Variants in MZT1 observed in about 807,000 individuals in gnomAD.
MZT1 encodes mitotic-spindle organizing protein 1.
MZT1 carries 8 observed loss-of-function variants against 8.5 expected under a neutral mutation model. The ratio of observed to expected loss-of-function variants is 0.94; its 90% CI spans 0.55 to 1.70. The LOEUF (loss-of-function observed/expected upper bound fraction) is 1.70, where lower values mean the gene tolerates loss of function less well. Ranked by LOEUF, MZT1 falls within the 40% of genes most tolerant of loss-of-function variation. The probability of loss-of-function intolerance (pLI) is 0.00; values close to 1 mark genes in which losing one functional copy is unlikely to be tolerated. For synonymous variants in MZT1, 38 were observed against 42.0 expected, an observed-to-expected ratio of 0.90 and a Z score of 0.37; for missense variants, 93 against 108.6, an observed-to-expected ratio of 0.86 and a Z score of 0.64.
intron 1 of MZT1, among the ~76,000 whole-genome samples, chr13:72,722,265 C>T (rs565274035): frequency 2.0e-5 from 3 of 152,068 alleles, no homozygotes; most frequent in African/African-American, 4.8e-5. Context: ...TCACCATTCT[C>T]GAAAGTGAGG....
chr13:72,712,453 T>C (rs529494095), intron 2 of MZT1, among the ~76,000 whole-genome samples: 1 of 152,210 alleles, frequency 6.6e-6, no homozygotes, highest in Non-Finnish European at 1.5e-5. Flanking sequence ...CACGCCTAGC[T>C]GAAACACCCT....
Position 72,710,134 on chromosome 13 carries a change from C to T in MZT1, c.*188G>A. ...AAGTGAATAAGATGTGATGTAAACA[C>T]ATCTGATAGTTCTCTCTGTAAGCCA... is the stretch of plus-strand genomic sequence containing the variant. On this transcript the variant is annotated 3_prime_UTR_variant, in exon 3 of 3. Transcript: ENST00000377818. 1.7e-6 allele frequency: 1 copy of T among 599,370 alleles called. No individual in the cohort carries two copies. Among genetic ancestry groups the T allele is most frequent in the Non-Finnish European group, 3.0e-6 (1 of 335,696 alleles). The allele number at this position is 599,370 out of a possible 1,614,324, so 37.1% of individuals were successfully genotyped here.
At position 72,719,006 on chromosome 13, in the gene MZT1, T is replaced by C. The variant is rs778973151; in HGVS notation, c.171A>G (p.Pro57=). 2 of 1,595,712 alleles carry C rather than the reference T, an allele frequency of 1.3e-6. No individual in the cohort carries two copies. The highest frequency in any genetic ancestry group is 1.4e-5 in the African/African-American group (1 of 73,584). Residue 57 remains proline, a synonymous_variant, in exon 2 of 3, where the codon CCA becomes CCG. Coordinates refer to ENST00000377818, the MANE Select transcript of MZT1 (RefSeq NM_001071775.3). ...CVRLCEQGIN[P]EALSSVIKEL... is the part of the protein sequence containing the mutation. ...CCTTAATAACCGATGATAAAGCTTC[T>C]GGGTTAATTCCTTGTTCACAAAGCC...
At chr13:72,712,781 A>G (rs939618511) in intron 2 of MZT1, among the ~76,000 whole-genome samples, 22 of 152,056 alleles carry the variant, frequency 1.4e-4, no homozygotes, top group African/African-American at 5.3e-4. Context: ...GGTTTATTTG[A>G]CTCTGGTTCT....
chr13:72,722,782 GA>G (rs1424505152), intron 1 of MZT1, among the ~76,000 whole-genome samples: 2 of 152,180 alleles, frequency 1.3e-5, no homozygotes, highest in Non-Finnish European at 2.9e-5. Context: ...CTTTTGGGGG[GA>G]AACCTCTCTC....
intron 1 of MZT1, among the ~76,000 whole-genome samples, chr13:72,720,802 C>T (rs986845053): frequency 8.5e-5 from 13 of 152,284 alleles, no homozygotes; most frequent in Admixed American, 6.5e-5. Context: ...GCAGGAGAAT[C>T]GCTTGAACCC....
chr13:72,720,340 T>G (rs1291115871), intron 1 of MZT1, among the ~76,000 whole-genome samples: 1 of 152,228 alleles, frequency 6.6e-6, no homozygotes, highest in Non-Finnish European at 1.5e-5. Context: ...GTTGTCATCT[T>G]TCATTTATAT....
chr13:72,719,895 G>A (rs76700443), intron 1 of MZT1, among the ~76,000 whole-genome samples: 1,914 of 8,756 alleles, frequency 0.22, 48 homozygotes, highest in Admixed American at 0.33. Flanking sequence ...TAAGTACACC[G>A]GTTCCACTGA....
chr13:72,714,256 G>A (rs933996616), intron 2 of MZT1, among the ~76,000 whole-genome samples: 2 of 152,216 alleles, frequency 1.3e-5, no homozygotes, highest in Non-Finnish European at 2.9e-5. Context: ...AAATTTCTAA[G>A]CAGCCAAGTG....
chr13:72,725,394 T>C (rs9530094), intron 1 of MZT1, among the ~76,000 whole-genome samples: 134,234 of 152,162 alleles, frequency 0.88, 61,246 homozygotes, highest in Non-Finnish European at 0.99. Context: ...AATAGAAAGT[T>C]AGCCTGCTTC....
intron 2 of MZT1, among the ~76,000 whole-genome samples, chr13:72,717,994 T>C (rs1026244472): frequency 6.6e-6 from 1 of 152,198 alleles, no homozygotes; most frequent in African/African-American, 2.4e-5. Context: ...CACTTCCCAG[T>C]ACCAAAATCT....
In MZT1 at chr13:72,725,459, C is replaced by CTGT. The variant is rs1566215122; in HGVS notation, c.79+2064_79+2065insACA. ...TTCATGATCAAAATGCAAATGTAGC[C>CTGT]AAGAGTTCTGCAATTCACATGACTT... On this transcript the variant is annotated intron_variant, in intron 1 of 2. Transcript: ENST00000377818. 8.5e-5 allele frequency among the ~76,000 whole-genome samples: 13 copies of CTGT among 152,172 alleles called. No individual in the cohort carries two copies. In the East Asian group the frequency reaches 2.5e-3, roughly 30 times the overall value.
intron 1 of MZT1, among the ~76,000 whole-genome samples, chr13:72,726,165 C>G (rs2032653030): frequency 6.6e-6 from 1 of 151,162 alleles, no homozygotes; most frequent in South Asian, 2.1e-4. Context: ...CATGGTGGCT[C>G]ACGCCTGTAA....
chr13:72,719,872 C>A (rs1173707715), intron 1 of MZT1, among the ~76,000 whole-genome samples: 1 of 152,068 alleles, frequency 6.6e-6, no homozygotes, highest in Non-Finnish European at 1.5e-5. Flanking sequence ...AGAATCCCTT[C>A]CATTACAGGT....
intron 1 of MZT1, among the ~76,000 whole-genome samples, chr13:72,725,300 G>C (rs1358132167): frequency 6.6e-6 from 1 of 152,110 alleles, no homozygotes; most frequent in African/African-American, 2.4e-5. Flanking sequence ...GGGATATAAG[G>C]ATGAAAGCAG....
At position 72,710,051 on chromosome 13, in the gene MZT1, A is replaced by C; in HGVS notation, c.*271T>G. The C allele has an allele frequency of 2.4e-6, 1 of 422,548 alleles. No individual in the cohort carries two copies. Among genetic ancestry groups the C allele is most frequent in the Non-Finnish European group, 4.2e-6 (1 of 236,306 alleles). The allele number at this position is 422,548 out of a possible 1,614,324, so 26.2% of individuals were successfully genotyped here. A position where few individuals can be genotyped will look rare whatever the true frequency, so the allele number is the denominator to read the frequency against. ...AGAAAATTAAAGCTATCAGAGCTATAAATAAGGAATACATAAATATGAACA... is the reference window on the plus strand; with the variant it reads ...AGAAAATTAAAGCTATCAGAGCTATCAATAAGGAATACATAAATATGAACA... On this transcript the variant is annotated 3_prime_UTR_variant, in exon 3 of 3. Transcript: ENST00000377818.
intron 2 of MZT1, among the ~76,000 whole-genome samples, chr13:72,715,850 T>C (rs560110490): frequency 1.3e-5 from 2 of 152,302 alleles, no homozygotes; most frequent in East Asian, 1.9e-4. Context: ...ATGCTTTCTA[T>C]ACAGCCTGCA....
intron 1 of MZT1, among the ~76,000 whole-genome samples, chr13:72,722,514 A>G (rs1193348650): frequency 6.6e-6 from 1 of 152,120 alleles, no homozygotes; most frequent in Non-Finnish European, 1.5e-5. Flanking sequence ...CTGAAAACTC[A>G]TCTTCCATAG....
intron 1 of MZT1, among the ~76,000 whole-genome samples, chr13:72,724,140 T>C (rs776023206): frequency 9.8e-5 from 15 of 152,306 alleles, no homozygotes; most frequent in Admixed American, 2.0e-4. Context: ...GTATAAAATA[T>C]GAGGTAAGTC....
Sources: allele counts gnomAD v4.1 joint callset (sites outside exome capture counted in the v4.1 genomes callset), GRCh38; gene constraint gnomAD v4.1.1; transcripts MANE v1.5; gene names NCBI Gene and HGNC (gene_info 2026-07-23, HGNC 2026-07-21).